VPS53: variants seen among roughly 807,000 people sequenced by gnomAD.
VPS53 encodes the protein vacuolar protein sorting-associated protein 53 homolog.
Under a neutral mutation model 107.0 loss-of-function variants are expected in VPS53, and 70 were observed. The ratio of observed to expected loss-of-function variants is 0.65; its 90% CI spans 0.54 to 0.80. The LOEUF (loss-of-function observed/expected upper bound fraction) is 0.80, where lower values mean the gene tolerates loss of function less well. Among genes scored for constraint, VPS53 ranks in the 30% least tolerant of loss-of-function variants. The probability of loss-of-function intolerance (pLI) is 0.00; values close to 1 mark genes in which losing one functional copy is unlikely to be tolerated. For missense variants in VPS53, 917 were observed against 1,049.4 expected (o/e 0.87, Z 1.74); for synonymous variants, 409 against 393.3 (o/e 1.04, Z -0.47).
At chr17:657,104 T>A in intron 5 of VPS53, 1 of 1,100,750 alleles carries the variant, frequency 9.1e-7, no homozygotes, top group East Asian at 2.4e-5. Flanking sequence ...CAAATCAATC[T>A]GAATGGTGTC....
chr17:582,143 A>G (rs1209677678), intron 13 of VPS53, among the ~76,000 whole-genome samples: 5 of 145,986 alleles, frequency 3.4e-5, no homozygotes, highest in Non-Finnish European at 7.5e-5. Flanking sequence ...TTCCAGGAGA[A>G]CTTCCCTCAG....
intron 17 of VPS53, 108 bp from the exon 18 acceptor site, chr17:537,284 C>G: frequency 7.7e-7 from 1 of 1,305,726 alleles, no homozygotes; most frequent in Non-Finnish European, 1.0e-6. Context: ...GCTTTGGTAT[C>G]CCAGGAATCA....
intron 13 of VPS53, among the ~76,000 whole-genome samples, chr17:578,150 G>T (rs1449308150): frequency 6.6e-6 from 1 of 151,344 alleles, no homozygotes; most frequent in East Asian, 2.0e-4. Flanking sequence ...CTTTCCCAGA[G>T]AAATTCCCTC....
At position 519,531 on chromosome 17, in the gene VPS53, A is replaced by C. The variant is rs1029341465; in HGVS notation, c.2329-233T>G. ...GGGAAAGAAGCGGCTGACAGAGGAG[A>C]AAGGACAGGTCAAGAAGGTGGGAAG... is the stretch of plus-strand genomic sequence containing the variant. On this transcript the variant is annotated intron_variant, in intron 21 of 21. Transcript: ENST00000437048. The surrounding 1 kb of genome is among the most constrained non-coding windows in gnomAD (Gnocchi z 5.0). 6.6e-5 allele frequency among the ~76,000 whole-genome samples: 10 copies of C among 152,272 alleles called. No homozygotes were observed. The highest frequency in any genetic ancestry group is 3.4e-3 in the Middle Eastern group (1 of 294).
intron 4 of VPS53, chr17:675,785 A>AC (rs1269922797): frequency 6.6e-6 from 1 of 151,652 alleles, no homozygotes; most frequent in Non-Finnish European, 1.5e-5. Flanking sequence ...AAAAAAAAAA[A>AC]AAAACTTACT....
intron 13 of VPS53, among the ~76,000 whole-genome samples, chr17:575,124 G>C: frequency 6.6e-6 from 1 of 151,970 alleles, no homozygotes; most frequent in East Asian, 1.9e-4. Context: ...TTTGGTGGTG[G>C]GCTGATGGGG....
intron 3 of VPS53, 129 bp from the exon 4 acceptor site, chr17:697,613 C>G: frequency 1.3e-6 from 1 of 744,576 alleles, no homozygotes; most frequent in South Asian, 1.7e-5. Flanking sequence ...GAAAACCAAA[C>G]ATGTGTGAGT....
chr17:603,346 C>T (rs539352131), intron 11 of VPS53, among the ~76,000 whole-genome samples: 1 of 152,346 alleles, frequency 6.6e-6, no homozygotes, highest in South Asian at 2.1e-4. Context: ...TGCTTGAATC[C>T]AGGAAGTGGA....
rs538882898 is a variant in VPS53 at position 667,972 on chromosome 17, A to G, written c.286-6077T>C. On this transcript the variant is annotated intron_variant, in intron 4 of 21. Coordinates refer to ENST00000437048, the MANE Select transcript of VPS53 (RefSeq NM_001128159.3). ...ACTAAGGCCTGATTATCTGAGGTGG[A>G]ACAGTTTCATCCTGAAACCATGTCC... is the stretch of plus-strand genomic sequence containing the variant. 4.6e-5 allele frequency among the ~76,000 whole-genome samples: 7 copies of G among 152,276 alleles called. No homozygotes were observed. The South Asian group carries it at 1.2e-3, about 27-fold the overall frequency.
chr17:626,103 G>A (rs1407592433), intron 10 of VPS53, among the ~76,000 whole-genome samples: 1 of 152,076 alleles, frequency 6.6e-6, no homozygotes, highest in African/African-American at 2.4e-5. Context: ...CAGCTACTCA[G>A]GAGGCTGAGG....
intron 4 of VPS53, among the ~76,000 whole-genome samples, chr17:688,724 C>T (rs116564844): frequency 0.014 from 2,124 of 152,244 alleles, 39 homozygotes; most frequent in African/African-American, 0.048. Flanking sequence ...GGCAAGCCAA[C>T]CTTGACCTCT....
At chr17:603,065 A>G (rs1023216330) in intron 11 of VPS53, among the ~76,000 whole-genome samples, 1 of 152,218 alleles carries the variant, frequency 6.6e-6, no homozygotes, top group South Asian at 2.1e-4. Flanking sequence ...GATGGACTAT[A>G]GCGTGAATAA....
intron 11 of VPS53, among the ~76,000 whole-genome samples, chr17:605,238 G>A (rs976716890): frequency 2.0e-5 from 3 of 152,172 alleles, no homozygotes; most frequent in African/African-American, 7.2e-5. Context: ...TTAGAGAGGC[G>A]GCACTGTAGT....
chr17:668,198 CGCT>C (rs1037520300), intron 4 of VPS53, among the ~76,000 whole-genome samples: 1 of 152,146 alleles, frequency 6.6e-6, no homozygotes, highest in Non-Finnish European at 1.5e-5. Context: ...ACCGGGGACA[CGCT>C]GCGTTTATGA....
rs1973790748 is a variant in VPS53, at chr17:714,796, C to T, written c.-87G>A. The T allele has an allele frequency of 5.4e-6, 8 of 1,493,834 alleles. No homozygotes were observed. The African/African-American group carries it at 5.5e-5, about 10-fold the overall frequency. The allele number at this position is 1,493,834 out of a possible 1,614,324, so 92.5% of individuals were successfully genotyped here. On this transcript the variant is annotated 5_prime_UTR_variant, in exon 1 of 22. Transcript: ENST00000437048. The stretch of plus-strand genomic sequence containing the variant: ...CCAGGCCCCAGCACAGCAACTCCCT[C>T]GCGGCAGCGACCTGGTGAGCCCGGC...
rs985549571 is a variant in VPS53 at position 524,231 on chromosome 17, T to C, written c.2086-2493A>G. ...GGAGAATTGCTTGAACCTGGGAGGTTTGCGCTACAGCCTGGGTGACAGAAC... is the reference window on the plus strand; with the variant it reads ...GGAGAATTGCTTGAACCTGGGAGGTCTGCGCTACAGCCTGGGTGACAGAAC... On this transcript the variant is annotated intron_variant, in intron 19 of 21. Coordinates refer to ENST00000437048, the MANE Select transcript of VPS53 (RefSeq NM_001128159.3). The surrounding 1 kb of genome is among the most constrained non-coding windows in gnomAD (Gnocchi z 4.5). 1.3e-5 allele frequency among the ~76,000 whole-genome samples: 2 copies of C among 151,622 alleles called. No homozygotes were observed. Among genetic ancestry groups the C allele is most frequent in the African/African-American group, 4.8e-5 (2 of 41,274 alleles).
intron 12 of VPS53, among the ~76,000 whole-genome samples, chr17:601,575 T>C (rs1439477793): frequency 6.6e-6 from 1 of 152,222 alleles, no homozygotes; most frequent in Non-Finnish European, 1.5e-5. Context: ...GTGTGTGTCC[T>C]GGAGGCGGGG....
rs1022915365 is a variant in VPS53, at chr17:518,905, A to C, written c.*223T>G. 4.4e-6 allele frequency: 2 copies of C among 456,184 alleles called. No individual in the cohort carries two copies. The allele number at this position is 456,184 out of a possible 1,614,324, so 28.3% of individuals were successfully genotyped here. A position where few individuals can be genotyped will look rare whatever the true frequency, so the allele number is the denominator to read the frequency against. On this transcript the variant is annotated 3_prime_UTR_variant, in exon 22 of 22. Transcript: ENST00000437048. Reference sequence around the variant, plus strand: ...CTGCTGCCTCTGCTTCACGAACCAGAGATCACCTAAATCGCCCTCTTAGAG... The same window carrying C: ...CTGCTGCCTCTGCTTCACGAACCAGCGATCACCTAAATCGCCCTCTTAGAG...
At position 669,592 on chromosome 17, in the gene VPS53, T is replaced by TAAAAAAAAAAAAAAAAAAAAAA. The variant is rs200157618; in HGVS notation, c.286-7698_286-7697insTTTTTTTTTTTTTTTTTTTTTT. 8.2e-4 allele frequency among the ~76,000 whole-genome samples: 90 copies of TAAAAAAAAAAAAAAAAAAAAAA among 110,172 alleles called. 2 individuals carry two copies. Among genetic ancestry groups the TAAAAAAAAAAAAAAAAAAAAAA allele is most frequent in the East Asian group, 4.9e-3 (17 of 3,470 alleles). 72.3% of individuals were successfully genotyped at this position (110,172 alleles called of 152,430 possible). On this transcript the variant is annotated intron_variant, in intron 4 of 21. Transcript: ENST00000437048. ...TGGGTGACAGAGACATACTCTGTCT[T>TAAAAAAAAAAAAAAAAAAAAAA]AAAAAAAAAAAAAAAATTAGGCCAG...
Sources: allele counts gnomAD v4.1 joint callset (sites outside exome capture counted in the v4.1 genomes callset), GRCh38; gene constraint gnomAD v4.1.1; non-coding constraint Gnocchi (gnomAD v3.1); transcripts MANE v1.5; gene names NCBI Gene and HGNC (gene_info 2026-07-23, HGNC 2026-07-21).